CFAP57: variants seen among roughly 807,000 people sequenced by gnomAD.
CFAP57 encodes cilia and flagella associated protein 57, also known as cilia- and flagella-associated protein 57.
A neutral mutation model predicts 146.8 loss-of-function variants in CFAP57; 116 were observed. That is an observed-to-expected ratio of 0.79 (90% confidence interval 0.68 to 0.92). CFAP57 has a LOEUF of 0.92. CFAP57 is among the 40% of genes least tolerant of loss of function. The pLI, the probability that CFAP57 is intolerant of heterozygous loss-of-function variation, is 0.00. For missense variants in CFAP57, 1,377 were observed against 1,527.2 expected (o/e 0.90, Z 1.64); for synonymous variants, 518 against 552.8 (o/e 0.94, Z 0.88).
intron 18 of CFAP57, among the ~76,000 whole-genome samples, chr1:43,231,111 G>A (rs948636449): frequency 3.9e-5 from 6 of 152,048 alleles, no homozygotes; most frequent in Non-Finnish European, 7.4e-5. Flanking sequence ...GCCATTATTC[G>A]TTCATTCATC....
chr1:43,222,275 A>G lies in CFAP57; in HGVS notation c.2512A>G (p.Lys838Glu). The G allele has an allele frequency of 6.9e-7, 1 of 1,456,916 alleles. No individual in the cohort carries two copies. Among genetic ancestry groups the G allele is most frequent in the Non-Finnish European group, 9.1e-7 (1 of 1,100,686 alleles). The allele number at this position is 1,456,916 out of a possible 1,614,324, so 90.2% of individuals were successfully genotyped here. A position where few individuals can be genotyped will look rare whatever the true frequency, so the allele number is the denominator to read the frequency against. ...TEFYEAKLQEKTTLLEEAQED... is the reference protein window; with the variant it reads ...TEFYEAKLQEETTLLEEAQED... The stretch of plus-strand genomic sequence containing the variant: ...GTTTTACGAGGCAAAACTGCAGGAG[A>G]AAACCACCCTTCTGGAAGAGGTACT... The change falls in exon 15 of 23, where the codon AAA (lysine) becomes GAA (glutamate). Residue 838 changes from lysine (K) to glutamate (E), a missense_variant. Lys to Glu is a moderately conservative substitution (Grantham distance 56). Transcript: ENST00000372492.
At chr1:43,232,725 GAT>G (rs1037045259) in intron 19 of CFAP57, 101 bp downstream of exon 19, 3 of 752,404 alleles carry the variant, frequency 4.0e-6, no homozygotes, top group Non-Finnish European at 6.3e-6. Flanking sequence ...CCACTGCGAG[GAT>G]ATGTTTCCCA....
chr1:43,206,041 G>A (rs969340737), intron 9 of CFAP57, among the ~76,000 whole-genome samples: 2 of 152,204 alleles, frequency 1.3e-5, no homozygotes, highest in African/African-American at 4.8e-5. Context: ...CCAGAGGGCA[G>A]AGGTACACTC....
chr1:43,207,621 C>T (rs1644412680), intron 10 of CFAP57, among the ~76,000 whole-genome samples: 1 of 152,216 alleles, frequency 6.6e-6, no homozygotes, highest in African/African-American at 2.4e-5. Context: ...GAGCTGCTCT[C>T]ACCTAGGCTT....
At chr1:43,212,972 A>G (rs1269337664) in intron 11 of CFAP57, among the ~76,000 whole-genome samples, 1 of 151,564 alleles carries the variant, frequency 6.6e-6, no homozygotes, top group Non-Finnish European at 1.5e-5. Flanking sequence ...AGAAAAGAAA[A>G]CTGATTTCTT....
At chr1:43,174,400 TAGATTATGCAG>T (rs1258307939) in intron 2 of CFAP57, among the ~76,000 whole-genome samples, 5 of 152,372 alleles carry the variant, frequency 3.3e-5, no homozygotes, top group African/African-American at 1.2e-4. Context: ...GATTTGTCTA[TAGATTATGCAG>T]AGACTTCTAC....
chr1:43,211,881 T>G (rs1198089571), intron 11 of CFAP57, among the ~76,000 whole-genome samples: 1 of 152,234 alleles, frequency 6.6e-6, no homozygotes, highest in Non-Finnish European at 1.5e-5. Flanking sequence ...TTTACAAATT[T>G]ATATGTGCAT....
intron 9 of CFAP57, among the ~76,000 whole-genome samples, chr1:43,204,271 A>C (rs770172229): frequency 3.3e-5 from 5 of 152,156 alleles, no homozygotes; most frequent in African/African-American, 4.8e-5. Context: ...TCCTTTAGTT[A>C]ATTGAACTTA....
At chr1:43,235,017 C>G (rs1236399247) in intron 21 of CFAP57, among the ~76,000 whole-genome samples, 1 of 152,144 alleles carries the variant, frequency 6.6e-6, no homozygotes, top group Non-Finnish European at 1.5e-5. Flanking sequence ...CATCATCTTA[C>G]CTCTCCTGAG....
At position 43,183,752 on chromosome 1, in the gene CFAP57, C is replaced by T. The variant is rs752050766; in HGVS notation, c.636C>T (p.Val212=). The T allele has an allele frequency of 1.8e-5, 29 of 1,614,042 alleles. No homozygotes were observed. Among genetic ancestry groups the T allele is most frequent in the Admixed American group, 8.3e-5 (5 of 60,000 alleles). The stretch of plus-strand genomic sequence containing the variant: ...CCTGGGTGGCTGATGACAAGATTGT[C>T]GTTGGCACTGACACAGGCAAACTCT... ...AHTWVADDKI[V]VGTDTGKLFL... The change falls in exon 4 of 23, where the codon GTC becomes GTT. Residue 212 remains valine (V), a synonymous_variant. Coordinates refer to ENST00000372492, the MANE Select transcript of CFAP57 (RefSeq NM_001378189.1).
chr1:43,174,551 C>A (rs896346039), intron 2 of CFAP57, among the ~76,000 whole-genome samples: 6 of 152,180 alleles, frequency 3.9e-5, no homozygotes, highest in African/African-American at 1.4e-4. Context: ...GGTGTGGTGG[C>A]TCATGCCTGT....
At chr1:43,212,920 T>G (rs1644677248) in intron 11 of CFAP57, among the ~76,000 whole-genome samples, 1 of 121,026 alleles carries the variant, frequency 8.3e-6, no homozygotes, top group Admixed American at 1.0e-4. Flanking sequence ...CTGGGCAACA[T>G]AGCAGACTCT....
chr1:43,179,943 A>G (rs899424103), intron 2 of CFAP57, among the ~76,000 whole-genome samples: 1 of 152,120 alleles, frequency 6.6e-6, no homozygotes, highest in African/African-American at 2.4e-5. Flanking sequence ...GTGGTGGCTC[A>G]TGCCTGTAAT....
chr1:43,176,366 G>T (rs924929561), intron 2 of CFAP57, among the ~76,000 whole-genome samples: 1 of 152,148 alleles, frequency 6.6e-6, no homozygotes, highest in Non-Finnish European at 1.5e-5. Flanking sequence ...CCCAAGGGAG[G>T]ATCTCCACTG....
At chr1:43,213,191 G>A (rs935058591) in intron 11 of CFAP57, among the ~76,000 whole-genome samples, 14 of 151,992 alleles carry the variant, frequency 9.2e-5, no homozygotes, top group Admixed American at 3.9e-4. Context: ...GGGTTCAAGC[G>A]ATTCTTCCAC....
In CFAP57 at chr1:43,192,281, T is replaced by C. The variant is rs528537611; in HGVS notation, c.1123-5272T>C. On this transcript the variant is annotated intron_variant, in intron 6 of 22. Transcript: ENST00000372492. ...GGTTTTTAGTGTTGTTCAGATCTTC[T>C]GTTTCTTGTCATCTTCTGCCTACTT... 1.5e-4 allele frequency among the ~76,000 whole-genome samples: 23 copies of C among 152,328 alleles called. 1 individual carries two copies. The highest frequency in any genetic ancestry group is 5.5e-4 in the African/African-American group (23 of 41,576).
chr1:43,191,459 C>T (rs918437828), intron 6 of CFAP57, among the ~76,000 whole-genome samples: 4 of 151,916 alleles, frequency 2.6e-5, no homozygotes, highest in South Asian at 2.1e-4. Context: ...TGGTGGTGGG[C>T]GCCTGTGGTC....
intron 3 of CFAP57, among the ~76,000 whole-genome samples, chr1:43,183,293 C>T (rs1195386475): frequency 1.3e-5 from 2 of 152,274 alleles, no homozygotes; most frequent in Non-Finnish European, 2.9e-5. Context: ...TCTGTGTTTC[C>T]AGCTGAGCTT....
chr1:43,231,418 A>G lies in CFAP57; in HGVS notation c.3010-1090A>G, dbSNP rs1040622605. 1.8e-4 allele frequency among the ~76,000 whole-genome samples: 28 copies of G among 152,162 alleles called. 1 individual carries two copies. Among genetic ancestry groups the G allele is most frequent in the Non-Finnish European group, 1.5e-5 (1 of 68,032 alleles). On this transcript the variant is annotated intron_variant, in intron 18 of 22. Transcript: ENST00000372492. ...AGCAAACCTCCCTCTTATCAGAAAT[A>G]CTAGTGTCCACCAGATATAGTCCAT...
Sources: gnomAD v4.1 joint callset for allele counts (sites outside exome capture counted in the v4.1 genomes callset) on GRCh38, gnomAD v4.1.1 for gene constraint, MANE v1.5 for transcripts, NCBI Gene and HGNC (gene_info 2026-07-23, HGNC 2026-07-21) for gene names.